TGFBR3: variants seen among roughly 807,000 people sequenced by gnomAD.
TGFBR3 encodes transforming growth factor beta receptor 3, also known as transforming growth factor beta receptor type 3.
In TGFBR3, 46 loss-of-function variants were observed where a neutral mutation model predicts 87.9. The observed-to-expected ratio is 0.52, with a 90% CI of 0.41 to 0.67. TGFBR3 has a LOEUF of 0.67. Among genes scored for constraint, TGFBR3 ranks in the 30% least tolerant of loss-of-function variants. The pLI, the probability that TGFBR3 is intolerant of heterozygous loss-of-function variation, is 0.00. For missense variants in TGFBR3, 866 were observed against 1,041.9 expected (o/e 0.83, Z 2.32); for synonymous variants, 381 against 391.6 (o/e 0.97, Z 0.32).
chr1:91,740,415 A>G (rs1247395709), intron 4 of TGFBR3, among the ~76,000 whole-genome samples: 1 of 150,106 alleles, frequency 6.7e-6, no homozygotes, highest in African/African-American at 2.5e-5. Context: ...CCCAGGCTGG[A>G]GTGCAATGGC....
At chr1:91,827,020 C>T (rs1447236170) in intron 2 of TGFBR3, among the ~76,000 whole-genome samples, 1 of 152,164 alleles carries the variant, frequency 6.6e-6, no homozygotes, top group Non-Finnish European at 1.5e-5. Context: ...CCTATTAAAA[C>T]AGATGAACAT....
chr1:91,893,764 CATGTTTTTCA>C (rs941357810), intron 2 of TGFBR3, among the ~76,000 whole-genome samples: 5 of 151,592 alleles, frequency 3.3e-5, no homozygotes, highest in African/African-American at 1.2e-4. Flanking sequence ...GCTTATAGTC[CATGTTTTTCA>C]AAGTAGGAAA....
intron 2 of TGFBR3, among the ~76,000 whole-genome samples, chr1:91,844,631 A>T (rs1677405349): frequency 6.6e-6 from 1 of 152,228 alleles, no homozygotes; most frequent in Non-Finnish European, 1.5e-5. Context: ...CTTATTTTAG[A>T]ATAACCTTGA....
At chr1:91,742,867 A>G (rs765455757) in intron 4 of TGFBR3, among the ~76,000 whole-genome samples, 39 of 152,362 alleles carry the variant, frequency 2.6e-4, no homozygotes, top group Admixed American at 7.8e-4. Context: ...TTTAAAGAGC[A>G]GAACATTACT....
Position 91,744,071 on chromosome 1 carries a change from T to C in TGFBR3, c.385-9112A>G, listed in dbSNP as rs1434614839. Among the ~76,000 whole-genome samples the C allele has an allele frequency of 2.7e-5, 4 of 148,324 alleles. No individual in the cohort carries two copies. The East Asian group carries it at 8.1e-4, about 30-fold the overall frequency. ...ACTGGGTTAAACAAAGTGTCATTAA[T>C]ATTAATTTTACTTACTTTTTTTTTT... is the stretch of plus-strand genomic sequence containing the variant. On this transcript the variant is annotated intron_variant, in intron 4 of 16. Coordinates refer to ENST00000212355, the MANE Select transcript of TGFBR3 (RefSeq NM_003243.5).
chr1:91,875,926 A>G (rs578134580), intron 1 of TGFBR3, among the ~76,000 whole-genome samples: 299 of 151,342 alleles, frequency 2.0e-3, no homozygotes, highest in African/African-American at 6.5e-3. Context: ...AAAAAAAAAA[A>G]AAAGAAAGAA....
chr1:91,692,202 A>G (rs1671290397), intron 16 of TGFBR3, among the ~76,000 whole-genome samples: 1 of 152,184 alleles, frequency 6.6e-6, no homozygotes, highest in Admixed American at 6.5e-5. Context: ...TATTAAGAGG[A>G]TGGTGGGGGA....
chr1:91,699,319 A>C (rs17878454), intron 14 of TGFBR3, among the ~76,000 whole-genome samples: 29,402 of 150,554 alleles, frequency 0.2, 3,089 homozygotes, highest in East Asian at 0.4. Flanking sequence ...CCACTGTTCC[A>C]TCTCCATCCC....
intron 2 of TGFBR3, among the ~76,000 whole-genome samples, chr1:91,834,333 C>G (rs1190545319): frequency 6.6e-6 from 1 of 152,210 alleles, no homozygotes; most frequent in Non-Finnish European, 1.5e-5. Context: ...ATACTTTTCT[C>G]TTTATGTATT....
In TGFBR3 at chr1:91,797,339, T is replaced by A; in HGVS notation, c.194A>T (p.His65Leu). 6.2e-7 allele frequency: 1 copy of A among 1,614,234 alleles called. No homozygotes were observed. Among genetic ancestry groups the A allele is most frequent in the Non-Finnish European group, 8.5e-7 (1 of 1,180,036 alleles). ...GCCTGCAGTGCGGAGATTCAGGACA[T>A]GCACCTCCTGTGGCAGCCCAGTTGT... is the stretch of plus-strand genomic sequence containing the variant. ...RGTTGLPQEVHVLNLRTAGQG... is the reference protein window; with the variant it reads ...RGTTGLPQEVLVLNLRTAGQG... Residue 65 changes from histidine (H) to leucine (L), a missense_variant, in exon 3 of 17, where the codon CAT becomes CTT. His to Leu is a moderately conservative substitution (Grantham distance 99, BLOSUM62 -3). Coordinates refer to ENST00000212355, the MANE Select transcript of TGFBR3 (RefSeq NM_003243.5).
At chr1:91,797,228 C>G in intron 3 of TGFBR3, 59 bp downstream of exon 3, 1 of 1,579,386 alleles carries the variant, frequency 6.3e-7, no homozygotes. Context: ...GACTTCTGTC[C>G]AGAAAATCAT....
chr1:91,753,693 G>T (rs1485441489), intron 4 of TGFBR3, among the ~76,000 whole-genome samples: 1 of 152,082 alleles, frequency 6.6e-6, no homozygotes, highest in Non-Finnish European at 1.5e-5. Context: ...ATATAAATTG[G>T]AATCATACAA....
intron 2 of TGFBR3, among the ~76,000 whole-genome samples, chr1:91,805,216 C>G (rs1675783480): frequency 6.6e-6 from 1 of 152,204 alleles, no homozygotes; most frequent in African/African-American, 2.4e-5. Context: ...GCCTCCCAAT[C>G]TGGATATTTC....
intron 2 of TGFBR3, among the ~76,000 whole-genome samples, chr1:91,813,388 G>A (rs1180248563): frequency 6.6e-6 from 1 of 152,146 alleles, no homozygotes; most frequent in Non-Finnish European, 1.5e-5. Flanking sequence ...AAAAACAAAT[G>A]TATAACTAGG....
chr1:91,703,186 A>G (rs1354306015), intron 14 of TGFBR3, among the ~76,000 whole-genome samples: 1 of 152,022 alleles, frequency 6.6e-6, no homozygotes, highest in Non-Finnish European at 1.5e-5. Flanking sequence ...GTTTCCCCTC[A>G]CCTCGACCTC....
intron 2 of TGFBR3, among the ~76,000 whole-genome samples, chr1:91,809,206 A>T (rs1675942938): frequency 6.6e-6 from 1 of 152,226 alleles, no homozygotes; most frequent in African/African-American, 2.4e-5. Context: ...CATCTCTCAG[A>T]CCTTGATTTG....
chr1:91,892,729 T>C (rs1011760020), intron 2 of TGFBR3, among the ~76,000 whole-genome samples: 9 of 152,210 alleles, frequency 5.9e-5, no homozygotes, highest in African/African-American at 2.2e-4. Context: ...GTAATGAACA[T>C]GTATCATTTT....
chr1:91,905,424 C>CTTTTTG (rs902717464), intron 1 of TGFBR3, among the ~76,000 whole-genome samples: 5 of 152,030 alleles, frequency 3.3e-5, no homozygotes, highest in Admixed American at 3.3e-4. Context: ...TGACCAGTTA[C>CTTTTTG]TTTTTGTTTT....
intron 11 of TGFBR3, 77 bp from the exon 12 acceptor site, chr1:91,716,471 C>G: frequency 5.0e-6 from 8 of 1,613,910 alleles, no homozygotes; most frequent in Non-Finnish European, 6.8e-6. Flanking sequence ...TGAGCTTTGG[C>G]TTTTAACATC....
Sources: gnomAD v4.1 joint callset for allele counts (sites outside exome capture counted in the v4.1 genomes callset) on GRCh38, gnomAD v4.1.1 for gene constraint, MANE v1.5 for transcripts, NCBI Gene and HGNC (gene_info 2026-07-23, HGNC 2026-07-21) for gene names.